Variants in SUFU observed in about 807,000 individuals in gnomAD.
SUFU encodes the protein suppressor of fused homolog.
A neutral mutation model predicts 58.9 loss-of-function variants in SUFU; 7 were observed. That is an observed-to-expected ratio of 0.12 (90% CI 0.07 to 0.22). The LOEUF (loss-of-function observed/expected upper bound fraction) is 0.22, where lower values mean the gene tolerates loss of function less well. Among genes scored for constraint, SUFU ranks in the 10% least tolerant of loss-of-function variants. The pLI is 1.00. For missense variants in SUFU, 451 were observed against 641.3 expected (o/e 0.70, Z 3.20); for synonymous variants, 232 against 254.8 (o/e 0.91, Z 0.85).
chr10:102,569,928 A>G (rs6584512), intron 3 of SUFU, among the ~76,000 whole-genome samples: 69,012 of 152,086 alleles, frequency 0.45, 16,066 homozygotes, highest in East Asian at 0.68. Context: ...AGACTTTGAG[A>G]TGGAATATGT....
chr10:102,582,527 G>A (rs78780788), intron 3 of SUFU, among the ~76,000 whole-genome samples: 2,526 of 152,180 alleles, frequency 0.017, 70 homozygotes, highest in African/African-American at 0.058. Flanking sequence ...CCAATTGGAG[G>A]AGCCAGTAGG....
At chr10:102,598,977 T>C (rs2063490444) in intron 7 of SUFU, among the ~76,000 whole-genome samples, 2 of 151,192 alleles carry the variant, frequency 1.3e-5, no homozygotes, top group Admixed American at 6.6e-5. Flanking sequence ...GGGGAAGGAG[T>C]GGCGGGACCA....
intron 2 of SUFU, among the ~76,000 whole-genome samples, chr10:102,546,859 G>T (rs1462429446): frequency 6.6e-6 from 1 of 152,252 alleles, no homozygotes; most frequent in Admixed American, 6.5e-5. Context: ...GCCAAGTAAG[G>T]GCTGGCCTGC....
chr10:102,532,822 A>C (rs2135701008), intron 2 of SUFU, among the ~76,000 whole-genome samples: 1 of 152,266 alleles, frequency 6.6e-6, no homozygotes, highest in East Asian at 1.9e-4. Flanking sequence ...GCCTAGTGAG[A>C]CTTACTGAGA....
At position 102,625,345 on chromosome 10, in the gene SUFU, G is replaced by A. The variant is rs2063775782; in HGVS notation, c.1297-1830G>A. 6.6e-6 allele frequency among the ~76,000 whole-genome samples: 1 copy of A among 152,168 alleles called. No individual in the cohort carries two copies. The highest frequency in any genetic ancestry group is 1.5e-5 in the Non-Finnish European group (1 of 68,032). On this transcript the variant is annotated intron_variant, in intron 10 of 11. Coordinates refer to ENST00000369902, the MANE Select transcript of SUFU (RefSeq NM_016169.4). This position sits in a 1 kb window ranked among gnomAD's most constrained non-coding sequence, Gnocchi z 4.7. ...AAGCCTTGTCTCTGTCCTTGGTCGG[G>A]GCCCTAGCTCCTAGAACAGAGAGTT...
chr10:102,582,378 G>A (rs909926199), intron 3 of SUFU, among the ~76,000 whole-genome samples: 2 of 152,144 alleles, frequency 1.3e-5, no homozygotes, highest in African/African-American at 4.8e-5. Context: ...TTCAAAGGCA[G>A]CACTATTTTA....
At chr10:102,587,259 A>C (rs928378989) in intron 3 of SUFU, among the ~76,000 whole-genome samples, 1 of 152,112 alleles carries the variant, frequency 6.6e-6, no homozygotes, top group African/African-American at 2.4e-5. Context: ...TCTGTGTTTA[A>C]ATTTTTTTTG....
chr10:102,592,831 C>T, intron 4 of SUFU, 107 bp downstream of exon 4: 2 of 1,312,600 alleles, frequency 1.5e-6, no homozygotes, highest in East Asian at 2.3e-5. Flanking sequence ...TTTCCTTTGG[C>T]CTCGTCCTGA....
intron 4 of SUFU, among the ~76,000 whole-genome samples, chr10:102,593,353 G>A (rs2063423881): frequency 6.6e-6 from 1 of 152,158 alleles, no homozygotes; most frequent in Non-Finnish European, 1.5e-5. Context: ...AGTTGCTCAG[G>A]CCTTGGTTTT....
intron 3 of SUFU, among the ~76,000 whole-genome samples, chr10:102,578,151 CA>C (rs1363055705): frequency 6.8e-6 from 1 of 147,284 alleles, no homozygotes; most frequent in Non-Finnish European, 1.5e-5. Context: ...ACTAAAAATA[CA>C]AAAAAATTAG....
intron 3 of SUFU, among the ~76,000 whole-genome samples, chr10:102,587,265 T>G (rs1458772923): frequency 1.3e-5 from 2 of 152,202 alleles, no homozygotes; most frequent in Non-Finnish European, 2.9e-5. Context: ...TTTAAATTTT[T>G]TTTGCAGAAC....
Position 102,589,442 on chromosome 10 carries a change from C to CTTTTTTTTTTTTTTTTTTTTTTT in SUFU, c.455-3119_455-3118insTTTTTTTTTTTTTTTTTTTTTTT, listed in dbSNP as rs747625757. Among the ~76,000 whole-genome samples, 6 of 65,364 alleles carry CTTTTTTTTTTTTTTTTTTTTTTT rather than the reference C, an allele frequency of 9.2e-5. 1 individual carries two copies. Among genetic ancestry groups the CTTTTTTTTTTTTTTTTTTTTTTT allele is most frequent in the African/African-American group, 1.9e-4 (3 of 16,004 alleles). 42.9% of individuals were successfully genotyped at this position (65,364 alleles called of 152,430 possible). A position where few individuals can be genotyped will look rare whatever the true frequency, so the allele number is the denominator to read the frequency against. The stretch of plus-strand genomic sequence containing the variant: ...CAATCTGGAAGTATTTTCTTTCTTT[C>CTTTTTTTTTTTTTTTTTTTTTTT]TTTTTTTTTTTTTTTTTTTTTGAGA... On this transcript the variant is annotated intron_variant, in intron 3 of 11. Transcript: ENST00000369902.
intron 2 of SUFU, among the ~76,000 whole-genome samples, chr10:102,517,773 C>T (rs1323024412): frequency 1.3e-5 from 2 of 152,178 alleles, no homozygotes. Flanking sequence ...ATGGTATCCT[C>T]ACCCGTCCAA....
At chr10:102,556,029 G>C (rs1002631072) in intron 3 of SUFU, among the ~76,000 whole-genome samples, 1 of 152,248 alleles carries the variant, frequency 6.6e-6, no homozygotes, top group Non-Finnish European at 1.5e-5. Flanking sequence ...ATGCTCAGCA[G>C]TGTAATCAAG....
chr10:102,626,575 ATGTGGCTAC>A (rs1321319748), intron 10 of SUFU, among the ~76,000 whole-genome samples: 1 of 152,056 alleles, frequency 6.6e-6, no homozygotes, highest in African/African-American at 2.4e-5. Flanking sequence ...GCCTGGGAGG[ATGTGGCTAC>A]TGTGAATGGG....
At chr10:102,508,458 A>G (rs1455441580) in intron 1 of SUFU, among the ~76,000 whole-genome samples, 1 of 152,176 alleles carries the variant, frequency 6.6e-6, no homozygotes, top group Non-Finnish European at 1.5e-5. Flanking sequence ...TTGATGTGGC[A>G]GTCTCTCCTG....
At chr10:102,559,037 T>C (rs901379712) in intron 3 of SUFU, among the ~76,000 whole-genome samples, 2 of 152,254 alleles carry the variant, frequency 1.3e-5, no homozygotes, top group Admixed American at 6.5e-5. Context: ...TTAACTTCTC[T>C]GCCTTCCTTA....
intron 3 of SUFU, among the ~76,000 whole-genome samples, chr10:102,564,269 TC>T (rs367860825): frequency 5.8e-4 from 88 of 152,360 alleles, no homozygotes; most frequent in African/African-American, 1.9e-3. Flanking sequence ...GGTCTTAATA[TC>T]TTTTCCTCAG....
intron 2 of SUFU, among the ~76,000 whole-genome samples, chr10:102,534,627 G>A (rs539799097): frequency 6.6e-6 from 1 of 152,352 alleles, no homozygotes; most frequent in Admixed American, 6.5e-5. Context: ...GCTAGTCCTG[G>A]GGCATCATGG....
Sources: gnomAD v4.1 joint callset for allele counts (sites outside exome capture counted in the v4.1 genomes callset) on GRCh38, gnomAD v4.1.1 for gene constraint, Gnocchi (gnomAD v3.1) non-coding constraint, MANE v1.5 for transcripts, NCBI Gene and HGNC (gene_info 2026-07-23, HGNC 2026-07-21) for gene names.